The following LOXHD1 variants were observed in gnomAD, a reference collection of about 807,000 sequenced individuals.
The protein encoded by LOXHD1 is lipoxygenase homology domain-containing protein 1.
A neutral mutation model predicts 248.2 loss-of-function variants in LOXHD1; 205 were observed. The observed-to-expected ratio is 0.83, with a 90% CI of 0.74 to 0.93. The LOEUF is 0.93. LOXHD1 is among the 40% of genes least tolerant of loss of function. The pLI is 0.00. For synonymous variants in LOXHD1, 1,113 were observed against 1,162.8 expected (o/e 0.96, Z 0.87); for missense variants, 2,930 against 2,971.6 (o/e 0.99, Z 0.33).
intron 4 of LOXHD1, among the ~76,000 whole-genome samples, chr18:46,623,773 G>A (rs1482171385): frequency 3.3e-5 from 5 of 152,200 alleles, no homozygotes. Context: ...CCTCCCCTGC[G>A]CTCTGTCTGG....
At chr18:46,540,472 G>A (rs984959783) in intron 25 of LOXHD1, among the ~76,000 whole-genome samples, 1 of 152,106 alleles carries the variant, frequency 6.6e-6, no homozygotes, top group Non-Finnish European at 1.5e-5. Context: ...GTTTCTCCCT[G>A]ACCCAAGACT....
chr18:46,615,185 C>A (rs911801973), intron 5 of LOXHD1, among the ~76,000 whole-genome samples: 1 of 152,178 alleles, frequency 6.6e-6, no homozygotes, highest in African/African-American at 2.4e-5. Flanking sequence ...GGACCAAAGG[C>A]AAAGATTCTC....
chr18:46,524,883 C>T lies in LOXHD1; in HGVS notation c.4565G>A (p.Gly1522Asp), dbSNP rs2144170971. ...GCGGAGCTTGATCTTGTAGATGACGCCTAGGTCAGCGGCCTCGATGATGAA... is the reference window on the plus strand; with the variant it reads ...GCGGAGCTTGATCTTGTAGATGACGTCTAGGTCAGCGGCCTCGATGATGAA... ...DTFIIEAADL[G>D]VIYKIKLRHD... The change falls in exon 30 of 41, where the codon GGC (glycine) becomes GAC (aspartate). Residue 1522 changes from glycine to aspartate, a missense_variant. Coordinates refer to ENST00000642948, the MANE Select transcript of LOXHD1 (RefSeq NM_001384474.1). 1 of 1,551,724 alleles carries T rather than the reference C, an allele frequency of 6.4e-7. No homozygotes were observed. Among genetic ancestry groups the T allele is most frequent in the Non-Finnish European group, 8.7e-7 (1 of 1,146,994 alleles).
intron 6 of LOXHD1, 122 bp from the exon 7 acceptor site, chr18:46,604,351 G>T (rs2038382638): frequency 2.2e-6 from 3 of 1,341,134 alleles, no homozygotes; most frequent in Non-Finnish European, 3.0e-6. Context: ...CTGTTTCGTG[G>T]CCCAAGGAAA....
rs140966344 is a variant in LOXHD1, at chr18:46,634,981, A to G, written c.511+4635T>C. Reference sequence around the variant, plus strand: ...TATTTTACCACAATTTTTTTTTAAAAGAAGCAGGATAACAGAGTCAGGGAG... The same window carrying G: ...TATTTTACCACAATTTTTTTTTAAAGGAAGCAGGATAACAGAGTCAGGGAG... On this transcript the variant is annotated intron_variant, in intron 4 of 40. Transcript: ENST00000642948. 6.2e-3 allele frequency among the ~76,000 whole-genome samples: 951 copies of G among 152,252 alleles called. 14 individuals carry two copies. Among genetic ancestry groups the G allele is most frequent in the African/African-American group, 0.022 (917 of 41,522 alleles).
intron 4 of LOXHD1, among the ~76,000 whole-genome samples, chr18:46,623,925 C>G (rs1466032591): frequency 6.6e-6 from 1 of 152,226 alleles, no homozygotes; most frequent in African/African-American, 2.4e-5. Flanking sequence ...TTGCCACATT[C>G]CCGACTACAG....
chr18:46,650,187 C>T (rs1420826497), intron 1 of LOXHD1, among the ~76,000 whole-genome samples: 3 of 152,156 alleles, frequency 2.0e-5, no homozygotes, highest in Admixed American at 2.0e-4. Flanking sequence ...TTCCTTGTCC[C>T]CAGCTCATTC....
intron 4 of LOXHD1, among the ~76,000 whole-genome samples, chr18:46,634,965 A>G (rs935959650): frequency 6.6e-6 from 1 of 152,126 alleles, no homozygotes; most frequent in African/African-American, 2.4e-5. Flanking sequence ...ATATTTTACC[A>G]CAATTTTTTT....
In LOXHD1 at chr18:46,641,959, A is replaced by T; in HGVS notation, c.323T>A (p.Val108Asp). ...RTNNVGLIYK[V>D]RIEHDNTGLN... ...TAGTCAGGCGCCAGCTTCTCACCTG[A>T]CTTTATAGATGAGGCCCACATTGTT... Residue 108 changes from valine to aspartate, a missense_variant, in exon 3 of 41, where the codon GTC becomes GAC. By Grantham distance (152) the Val-to-Asp change is radical. Transcript: ENST00000642948. 1 of 1,551,734 alleles carries T rather than the reference A, an allele frequency of 6.4e-7. No homozygotes were observed. The highest frequency in any genetic ancestry group is 8.7e-7 in the Non-Finnish European group (1 of 1,146,718).
At chr18:46,640,127 T>C (rs2038944775) in intron 3 of LOXHD1, among the ~76,000 whole-genome samples, 1 of 152,192 alleles carries the variant, frequency 6.6e-6, no homozygotes, top group African/African-American at 2.4e-5. Context: ...GTCTGTTTCC[T>C]TACCCTGGCC....
chr18:46,569,587 G>T lies in LOXHD1; in HGVS notation c.2099C>A (p.Thr700Lys). Reference protein sequence around the residue: ...LKTGDVSGASTDSRVYIKLYG... With the variant: ...LKTGDVSGASKDSRVYIKLYG... ...GAGCTTGATGTAGACTCTAGAATCC[G>T]TGCTGGCCCCAGAGACATCCCCAGT... is the stretch of plus-strand genomic sequence containing the variant. Residue 700 changes from threonine to lysine, a missense_variant, in exon 16 of 41, where the codon ACG becomes AAG. Thr to Lys is a moderately conservative substitution (Grantham distance 78). Transcript: ENST00000642948. 3 of 1,551,710 alleles carry T rather than the reference G, an allele frequency of 1.9e-6. No homozygotes were observed. The highest frequency in any genetic ancestry group is 2.0e-5 in the Admixed American group (1 of 50,992).
intron 16 of LOXHD1, among the ~76,000 whole-genome samples, chr18:46,568,100 A>G (rs2037679597): frequency 6.6e-6 from 1 of 152,230 alleles, no homozygotes; most frequent in African/African-American, 2.4e-5. Flanking sequence ...AATGACTAAC[A>G]TGAGATCTTT....
intron 37 of LOXHD1, among the ~76,000 whole-genome samples, chr18:46,491,168 T>C (rs2033446229): frequency 6.6e-6 from 1 of 152,198 alleles, no homozygotes; most frequent in African/African-American, 2.4e-5. Context: ...TGTGTGCATG[T>C]GTGTGACAGA....
intron 37 of LOXHD1, among the ~76,000 whole-genome samples, chr18:46,503,972 G>A (rs1241800734): frequency 6.6e-6 from 1 of 152,170 alleles, no homozygotes; most frequent in Non-Finnish European, 1.5e-5. Flanking sequence ...TGGCTGGTTT[G>A]GGTGTCCCTT....
intron 28 of LOXHD1, 130 bp downstream of exon 28, chr18:46,533,032 C>G: frequency 1.0e-6 from 1 of 983,800 alleles, no homozygotes; most frequent in Non-Finnish European, 1.5e-6. Flanking sequence ...GTGGCCCTCT[C>G]TAGAGAGTGG....
At chr18:46,560,047 C>CTGCCG in intron 19 of LOXHD1, 36 bp downstream of exon 19, 1 of 1,238,564 alleles carries the variant, frequency 8.1e-7, no homozygotes, top group Non-Finnish European at 1.1e-6. Flanking sequence ...TGTCTGGCCA[C>CTGCCG]TCCCTCCCCA....
At chr18:46,591,570 G>A (rs534902769) in intron 12 of LOXHD1, among the ~76,000 whole-genome samples, 48 of 152,344 alleles carry the variant, frequency 3.2e-4, no homozygotes, top group Non-Finnish European at 5.7e-4. Flanking sequence ...CCCAGATCTA[G>A]CTTTTCTTTT....
chr18:46,544,453 AT>A (rs2036707280), intron 23 of LOXHD1, among the ~76,000 whole-genome samples: 1 of 152,198 alleles, frequency 6.6e-6, no homozygotes, highest in South Asian at 2.1e-4. Flanking sequence ...TTGCAATCAC[AT>A]GCATTTGTAG....
chr18:46,518,264 G>A lies in LOXHD1; in HGVS notation c.5272-8C>T. 1 of 1,550,882 alleles carries A rather than the reference G, an allele frequency of 6.4e-7. No homozygotes were observed. Among genetic ancestry groups the A allele is most frequent in the East Asian group, 2.4e-5 (1 of 40,904 alleles). On this transcript the variant is annotated splice_polypyrimidine_tract_variant and splice_region_variant and intron_variant, in intron 33 of 40. Transcript: ENST00000642948. ...CGTCATTTCATAGAGAACCTGCCAT[G>A]AGAGGAATGCAGGTGCTGAGTCTCA...
Sources: gnomAD v4.1 joint callset for allele counts (sites outside exome capture counted in the v4.1 genomes callset) on GRCh38, gnomAD v4.1.1 for gene constraint, MANE v1.5 for transcripts, NCBI Gene and HGNC (gene_info 2026-07-23, HGNC 2026-07-21) for gene names.